Variants in TTC17 observed in about 807,000 individuals in gnomAD.
The protein encoded by TTC17 is tetratricopeptide repeat protein 17.
In TTC17, 58 loss-of-function variants were observed where a neutral mutation model predicts 143.8. The ratio of observed to expected loss-of-function variants is 0.40; its 90% CI spans 0.33 to 0.50. The LOEUF is 0.50. Among genes scored for constraint, TTC17 ranks in the 20% least tolerant of loss-of-function variants. The probability of loss-of-function intolerance (pLI) is 0.49; values close to 1 mark genes in which losing one functional copy is unlikely to be tolerated. For missense variants in TTC17, 1,273 were observed against 1,392.5 expected, an observed-to-expected ratio of 0.91 and a Z score of 1.37; for synonymous variants, 501 against 497.8, an observed-to-expected ratio of 1.01 and a Z score of -0.09.
intron 21 of TTC17, among the ~76,000 whole-genome samples, chr11:43,462,227 T>TA (rs1273735142): frequency 1.3e-5 from 2 of 152,162 alleles, no homozygotes; most frequent in Non-Finnish European, 2.9e-5. Context: ...AGTGCCCCCC[T>TA]ACAAAGATAT....
In TTC17 at chr11:43,444,067, G is replaced by A. The variant is rs1947484130; in HGVS notation, c.2523G>A (p.Gln841=). 2 of 1,606,798 alleles carry A rather than the reference G, an allele frequency of 1.2e-6. No individual in the cohort carries two copies. The highest frequency in any genetic ancestry group is 2.2e-5 in the South Asian group (2 of 89,060). ...DDEATEWITF[Q]VKRVKKPKGD... ...TTTCTGTTTCCCAGATTACATTCCA[G>A]GTCAAACGTGTAAAGAAACCCAAAG... Residue 841 remains glutamine, a synonymous_variant, in exon 18 of 24, where the codon CAG becomes CAA. Transcript: ENST00000039989.
rs1326755044 is a variant in TTC17 at position 43,494,129 on chromosome 11, A to C, written c.*225A>C. 2.1e-6 allele frequency: 1 copy of C among 479,188 alleles called. No homozygotes were observed. The highest frequency in any genetic ancestry group is 2.0e-5 in the African/African-American group (1 of 50,488). The allele number at this position is 479,188 out of a possible 1,614,324, so 29.7% of individuals were successfully genotyped here. A position where few individuals can be genotyped will look rare whatever the true frequency, so the allele number is the denominator to read the frequency against. ...CACCTTCAGAAACACACATTTCTTAAAAGGAAAGTGCAGCTTCAAGATATT... is the reference window on the plus strand; with the variant it reads ...CACCTTCAGAAACACACATTTCTTACAAGGAAAGTGCAGCTTCAAGATATT... On this transcript the variant is annotated 3_prime_UTR_variant, in exon 24 of 24. Coordinates refer to ENST00000039989, the MANE Select transcript of TTC17 (RefSeq NM_018259.6).
chr11:43,479,000 G>A (rs1948237458), intron 21 of TTC17, among the ~76,000 whole-genome samples: 1 of 152,128 alleles, frequency 6.6e-6, no homozygotes, highest in Non-Finnish European at 1.5e-5. Flanking sequence ...CAGTGCTTTG[G>A]GAGGCTGAAG....
chr11:43,405,323 C>G (rs55637777), intron 11 of TTC17, among the ~76,000 whole-genome samples, 191 bp from the exon 12 acceptor site: 12,209 of 152,128 alleles, frequency 0.08, 621 homozygotes, highest in Middle Eastern at 0.15. Flanking sequence ...CTGAACCAGT[C>G]TGTGGTAAAG....
intron 16 of TTC17, among the ~76,000 whole-genome samples, chr11:43,415,566 A>C (rs1946760023): frequency 6.6e-6 from 1 of 152,184 alleles, no homozygotes; most frequent in African/African-American, 2.4e-5. Flanking sequence ...TATAATATTT[A>C]ATCAGATGGA....
At chr11:43,397,883 G>C (rs964016323) in intron 7 of TTC17, 91 bp from the exon 8 acceptor site, 10 of 1,529,536 alleles carry the variant, frequency 6.5e-6, no homozygotes, top group Non-Finnish European at 8.8e-6. Context: ...ACCAGGCCGT[G>C]GCTAACATTT....
intron 16 of TTC17, among the ~76,000 whole-genome samples, chr11:43,422,963 A>G (rs1487828664): frequency 6.6e-6 from 1 of 152,230 alleles, no homozygotes; most frequent in Non-Finnish European, 1.5e-5. Flanking sequence ...GCAAAGTGGG[A>G]AAAATTGAAG....
intron 21 of TTC17, among the ~76,000 whole-genome samples, chr11:43,469,235 A>T (rs780295459): frequency 4.0e-4 from 61 of 152,164 alleles, no homozygotes; most frequent in Non-Finnish European, 6.8e-4. Context: ...GTTGGAGAGG[A>T]TGTGGAGCAA....
At chr11:43,382,897 T>TTTTTTC (rs1485486453) in intron 2 of TTC17, among the ~76,000 whole-genome samples, 136 of 148,278 alleles carry the variant, frequency 9.2e-4, no homozygotes, top group African/African-American at 3.5e-3. Flanking sequence ...TTATTTTCTT[T>TTTTTTC]TTTTTCTTTT....
At chr11:43,424,536 G>A (rs1473674196) in intron 16 of TTC17, among the ~76,000 whole-genome samples, 4 of 152,030 alleles carry the variant, frequency 2.6e-5, no homozygotes, top group Non-Finnish European at 5.9e-5. Context: ...TTGGGAGGCC[G>A]AGGCAGGCGG....
rs967367105 is a variant in TTC17, at chr11:43,391,700, A to G, written c.532-121A>G. On this transcript the variant is annotated intron_variant, in intron 4 of 23. Transcript: ENST00000039989. ...CTGACAGCTTTGTAATTTTATAGAC[A>G]TCTCTTATTTCTTAAAATTCCAAAA... 7.5e-6 allele frequency: 10 copies of G among 1,335,716 alleles called. No individual in the cohort carries two copies. In the African/African-American group the frequency reaches 1.4e-4, roughly 18 times the overall value. The allele number at this position is 1,335,716 out of a possible 1,614,324, so 82.7% of individuals were successfully genotyped here. A position where few individuals can be genotyped will look rare whatever the true frequency, so the allele number is the denominator to read the frequency against.
At chr11:43,384,572 C>G (rs779761101) in intron 2 of TTC17, among the ~76,000 whole-genome samples, 55 of 151,904 alleles carry the variant, frequency 3.6e-4, no homozygotes, top group Non-Finnish European at 7.2e-4. Context: ...GCAGGATCAC[C>G]TGAGCCAGGG....
chr11:43,407,658 G>A (rs1219130210), intron 15 of TTC17, 81 bp downstream of exon 15: 3 of 1,322,248 alleles, frequency 2.3e-6, no homozygotes, highest in African/African-American at 1.5e-5. Context: ...TTTTTCTAGG[G>A]AAAGCATAAA....
At chr11:43,474,962 C>T (rs749722451) in intron 21 of TTC17, among the ~76,000 whole-genome samples, 4 of 151,966 alleles carry the variant, frequency 2.6e-5, no homozygotes, top group East Asian at 1.9e-4. Context: ...GGAGTAGGAA[C>T]GGAAGAAGAG....
At chr11:43,492,548 G>A (rs1364929927) in intron 23 of TTC17, among the ~76,000 whole-genome samples, 1 of 152,124 alleles carries the variant, frequency 6.6e-6, no homozygotes. Flanking sequence ...GACACCCTTT[G>A]CATATTTTTC....
rs116084325 is a variant in TTC17 at position 43,398,935 on chromosome 11, T to C, written c.1058+822T>C. Reference sequence around the variant, plus strand: ...TTTCTGTTATACCTGGCTGAGCTTTTTCCAGTATCATGCTCTTAATAATTG... The same window carrying C: ...TTTCTGTTATACCTGGCTGAGCTTTCTCCAGTATCATGCTCTTAATAATTG... On this transcript the variant is annotated intron_variant, in intron 8 of 23. Coordinates refer to ENST00000039989, the MANE Select transcript of TTC17 (RefSeq NM_018259.6). Among the ~76,000 whole-genome samples, 908 of 152,348 alleles carry C rather than the reference T, an allele frequency of 6.0e-3. 7 individuals are homozygous for C. The highest frequency in any genetic ancestry group is 0.02 in the African/African-American group (832 of 41,582).
At position 43,407,424 on chromosome 11, in the gene TTC17, T is replaced by C; in HGVS notation, c.1911T>C (p.Phe637=). Residue 637 remains phenylalanine (F), a synonymous_variant, in exon 15 of 24, where the codon TTT becomes TTC. Transcript: ENST00000039989. ...GGAGAGCAGTAGGAAATAGCACTTT[T>C]GCTATTGCCTGTCTTCAGAGGGCTT... is the stretch of plus-strand genomic sequence containing the variant. ...LYWRAVGNST[F]AIACLQRALN... The C allele has an allele frequency of 6.2e-7, 1 of 1,614,056 alleles. No homozygotes were observed. Among genetic ancestry groups the C allele is most frequent in the Non-Finnish European group, 8.5e-7 (1 of 1,179,988 alleles).
At chr11:43,423,720 A>G (rs1946960649) in intron 16 of TTC17, among the ~76,000 whole-genome samples, 1 of 152,238 alleles carries the variant, frequency 6.6e-6, no homozygotes, top group Non-Finnish European at 1.5e-5. Flanking sequence ...TTAGTGTAAG[A>G]TTAGACTTTA....
At chr11:43,444,716 A>G (rs958405130) in intron 18 of TTC17, among the ~76,000 whole-genome samples, 1 of 111,924 alleles carries the variant, frequency 8.9e-6, no homozygotes, top group African/African-American at 3.5e-5. Context: ...CAGTTCACCA[A>G]ATACATACAC....
Sources: gnomAD v4.1 joint callset for allele counts (sites outside exome capture counted in the v4.1 genomes callset) on GRCh38, gnomAD v4.1.1 for gene constraint, MANE v1.5 for transcripts, NCBI Gene and HGNC (gene_info 2026-07-23, HGNC 2026-07-21) for gene names.